Variants in RGS7 observed in about 807,000 individuals in gnomAD.
RGS7 encodes the protein regulator of G-protein signaling 7.
A neutral mutation model predicts 81.1 loss-of-function variants in RGS7; 27 were observed. The ratio of observed to expected loss-of-function variants is 0.33; its 90% CI spans 0.25 to 0.46. RGS7 has a LOEUF of 0.46. Ranked by LOEUF, RGS7 falls within the 20% of genes least tolerant of loss-of-function variation. RGS7 has a pLI of 1.00. For synonymous variants in RGS7, 208 were observed against 207.7 expected (o/e 1.00, Z -0.01); for missense variants, 396 against 607.4 (o/e 0.65, Z 3.66).
chr1:241,332,982 T>C (rs1013945981), intron 2 of RGS7, among the ~76,000 whole-genome samples: 1 of 152,202 alleles, frequency 6.6e-6, no homozygotes, highest in South Asian at 2.1e-4. Flanking sequence ...TGATGAACAG[T>C]GATGTCGGGC....
At chr1:241,005,388 T>G (rs2058633718) in intron 3 of RGS7, among the ~76,000 whole-genome samples, 1 of 152,138 alleles carries the variant, frequency 6.6e-6, no homozygotes, top group African/African-American at 2.4e-5. Flanking sequence ...TGGTAAAAAT[T>G]TAAATGCCCT....
chr1:240,826,888 G>C (rs778231749), intron 10 of RGS7, among the ~76,000 whole-genome samples: 1 of 151,902 alleles, frequency 6.6e-6, no homozygotes, highest in Non-Finnish European at 1.5e-5. Flanking sequence ...TGTTCCTCTC[G>C]TCTCAGTCAG....
chr1:241,014,895 T>C lies in RGS7; in HGVS notation c.176-31766A>G, dbSNP rs549471575. ...CAGACTGAGAGACGAGACTCTTACA[T>C]AGAGAAAAGGATTCTCCATCACTTA... On this transcript the variant is annotated intron_variant, in intron 3 of 18. Coordinates refer to ENST00000440928, the MANE Select transcript of RGS7 (RefSeq NM_001364886.1). 3.0e-4 allele frequency among the ~76,000 whole-genome samples: 45 copies of C among 152,266 alleles called. 1 individual carries two copies. Among genetic ancestry groups the C allele is most frequent in the African/African-American group, 1.0e-3 (42 of 41,542 alleles).
At chr1:240,976,332 G>GCAGAA (rs879314931) in intron 4 of RGS7, among the ~76,000 whole-genome samples, 7,560 of 152,168 alleles carry the variant, frequency 0.05, 215 homozygotes, top group South Asian at 0.1. Flanking sequence ...GCAATGGGGT[G>GCAGAA]GACTGTCAAC....
At chr1:240,979,389 T>G (rs1684601068) in intron 4 of RGS7, among the ~76,000 whole-genome samples, 1 of 152,144 alleles carries the variant, frequency 6.6e-6, no homozygotes. Flanking sequence ...GTAAGAAAAG[T>G]GCAAAGTCTA....
chr1:241,254,773 T>C (rs2148237862), intron 2 of RGS7, among the ~76,000 whole-genome samples: 1 of 152,360 alleles, frequency 6.6e-6, no homozygotes, highest in South Asian at 2.1e-4. Context: ...ATTGCAAATC[T>C]ATAATGATAT....
intron 2 of RGS7, among the ~76,000 whole-genome samples, chr1:241,294,018 T>C (rs2079244066): frequency 6.6e-6 from 1 of 152,148 alleles, no homozygotes; most frequent in Non-Finnish European, 1.5e-5. Context: ...CTATTTACCA[T>C]AGCAAACACT....
chr1:241,333,420 G>A (rs2082076750), intron 2 of RGS7, among the ~76,000 whole-genome samples: 2 of 152,158 alleles, frequency 1.3e-5, no homozygotes, highest in South Asian at 4.1e-4. Context: ...ATCTAGATAA[G>A]GCCAGGCGGA....
intron 1 of RGS7, among the ~76,000 whole-genome samples, chr1:241,356,683 C>A (rs1221639303): frequency 4.0e-5 from 6 of 151,492 alleles, no homozygotes; most frequent in African/African-American, 7.3e-5. Context: ...CTGTGCCCCG[C>A]GCCGCGGCGG....
At chr1:241,300,985 TTAA>T (rs2079719721) in intron 2 of RGS7, among the ~76,000 whole-genome samples, 1 of 152,248 alleles carries the variant, frequency 6.6e-6, no homozygotes, top group Non-Finnish European at 1.5e-5. Context: ...CATTGTTAGT[TTAA>T]TTTGTAATTC....
chr1:241,020,618 AT>A (rs1305747334), intron 3 of RGS7, among the ~76,000 whole-genome samples: 2 of 152,100 alleles, frequency 1.3e-5, no homozygotes, highest in Non-Finnish European at 2.9e-5. Context: ...ACATGAACAT[AT>A]TTTTTTCTTT....
intron 3 of RGS7, among the ~76,000 whole-genome samples, chr1:241,017,483 T>C (rs1311668657): frequency 6.6e-6 from 1 of 151,882 alleles, no homozygotes; most frequent in Admixed American, 6.6e-5. Context: ...ATATTTAACT[T>C]TACCTTCAAT....
chr1:240,912,807 C>A (rs1671987025), intron 6 of RGS7, among the ~76,000 whole-genome samples: 1 of 151,994 alleles, frequency 6.6e-6, no homozygotes, highest in African/African-American at 2.4e-5. Context: ...TTCCTGTATA[C>A]TACATGAGTA....
chr1:240,988,512 T>C (rs1685998326), intron 3 of RGS7, among the ~76,000 whole-genome samples: 1 of 152,196 alleles, frequency 6.6e-6, no homozygotes, highest in Non-Finnish European at 1.5e-5. Context: ...TACCCTTTTG[T>C]AAAGCTGAAT....
intron 3 of RGS7, among the ~76,000 whole-genome samples, chr1:240,984,116 G>T (rs747462349): frequency 6.6e-6 from 1 of 152,190 alleles, no homozygotes; most frequent in Non-Finnish European, 1.5e-5. Flanking sequence ...AAAATTGAAA[G>T]TAATAATGGA....
At chr1:241,166,241 T>G (rs948183285) in intron 2 of RGS7, among the ~76,000 whole-genome samples, 1 of 151,678 alleles carries the variant, frequency 6.6e-6, no homozygotes, top group East Asian at 1.9e-4. Context: ...ACAGGATGAG[T>G]GGGGAAAACA....
At chr1:240,835,530 G>A in intron 9 of RGS7, among the ~76,000 whole-genome samples, 1 of 152,150 alleles carries the variant, frequency 6.6e-6, no homozygotes, top group Non-Finnish European at 1.5e-5. Context: ...AGACGGTTTG[G>A]CAGTTTCTTA....
intron 14 of RGS7, among the ~76,000 whole-genome samples, chr1:240,811,223 A>G (rs1167466229): frequency 6.6e-6 from 1 of 152,274 alleles, no homozygotes; most frequent in African/African-American, 2.4e-5. Flanking sequence ...ACAGTCTTAT[A>G]TAGTGGAAAG....
chr1:241,132,051 A>ATGTC (rs2067136338), intron 2 of RGS7, among the ~76,000 whole-genome samples: 1 of 152,196 alleles, frequency 6.6e-6, no homozygotes, highest in Admixed American at 6.5e-5. Context: ...TTCATGTGGT[A>ATGTC]TGTCTCGCAA....
Sources: allele counts gnomAD v4.1 joint callset (sites outside exome capture counted in the v4.1 genomes callset), GRCh38; gene constraint gnomAD v4.1.1; transcripts MANE v1.5; gene names NCBI Gene and HGNC (gene_info 2026-07-23, HGNC 2026-07-21).